Variants in HPN observed in about 807,000 individuals in gnomAD.
HPN encodes the protein serine protease hepsin.
Under a neutral mutation model 55.9 loss-of-function variants are expected in HPN, and 13 were observed. The observed-to-expected ratio is 0.23, with a 90% confidence interval of 0.15 to 0.37. The LOEUF (loss-of-function observed/expected upper bound fraction) is 0.37, where lower values mean the gene tolerates loss of function less well. Ranked by LOEUF, HPN falls within the 10% of genes least tolerant of loss-of-function variation. HPN has a pLI of 1.00. For synonymous variants in HPN, 225 were observed against 240.3 expected (o/e 0.94, Z 0.59); for missense variants, 451 against 575.8 (o/e 0.78, Z 2.22).
intron 2 of HPN, among the ~76,000 whole-genome samples, chr19:35,045,467 G>A (rs1215476779): frequency 6.6e-6 from 1 of 152,138 alleles, no homozygotes; most frequent in Non-Finnish European, 1.5e-5. Flanking sequence ...GGTGTTACGC[G>A]TGGGGGTCTT....
At position 35,047,018 on chromosome 19, in the gene HPN, C is replaced by T. The variant is rs141964871; in HGVS notation, c.17-2272C>T. 3.5e-3 allele frequency among the ~76,000 whole-genome samples: 529 copies of T among 152,160 alleles called. 3 individuals are homozygous for T. Among genetic ancestry groups the T allele is most frequent in the African/African-American group, 0.012 (486 of 41,524 alleles). ...TAATTTTTTGTATTCTTAGTAGAGA[C>T]GGGGTTTCACCGTGTTAGCCAGGAT... is the stretch of plus-strand genomic sequence containing the variant. On this transcript the variant is annotated intron_variant, in intron 2 of 12. Transcript: ENST00000672452.
chr19:35,046,826 T>TTATG (rs2064346580), intron 2 of HPN, among the ~76,000 whole-genome samples: 1 of 151,968 alleles, frequency 6.6e-6, no homozygotes, highest in Non-Finnish European at 1.5e-5. Context: ...ATTTATGTAT[T>TTATG]TATTTATTTA....
intron 9 of HPN, among the ~76,000 whole-genome samples, chr19:35,063,422 A>G (rs1016618206): frequency 5.9e-5 from 9 of 152,148 alleles, no homozygotes; most frequent in African/African-American, 2.2e-4. Flanking sequence ...TTAAAACCAA[A>G]CCCTGTCCTG....
rs747374623 is a variant in HPN at position 35,065,879 on chromosome 19, T to C, written c.1062T>C (p.Gly354=). Residue 354 remains glycine (G), a synonymous_variant, in exon 12 of 13, where the codon GGT becomes GGC. Transcript: ENST00000672452. Reference sequence around the variant, plus strand: ...CTCTCCCCTCCCAGGGCGACAGCGGTGGTCCCTTTGTGTGTGAGGACAGCA... The same window carrying C: ...CTCTCCCCTCCCAGGGCGACAGCGGCGGTCCCTTTGTGTGTGAGGACAGCA... The part of the protein sequence containing the change: ...GGIDACQGDS[G]GPFVCEDSIS... 1.9e-6 allele frequency: 3 copies of C among 1,614,064 alleles called. No homozygotes were observed. Among genetic ancestry groups the C allele is most frequent in the East Asian group, 4.5e-5 (2 of 44,880 alleles).
At chr19:35,047,672 T>C (rs1372528602) in intron 2 of HPN, among the ~76,000 whole-genome samples, 1 of 152,064 alleles carries the variant, frequency 6.6e-6, no homozygotes, top group Non-Finnish European at 1.5e-5. Flanking sequence ...AGTAGGATGG[T>C]AAACAAATAA....
In HPN at chr19:35,066,537, G is replaced by A. The variant is rs1040556626; in HGVS notation, c.*250G>A. 19 of 545,412 alleles carry A rather than the reference G, an allele frequency of 3.5e-5. No individual in the cohort carries two copies. Among genetic ancestry groups the A allele is most frequent in the Non-Finnish European group, 6.2e-5 (19 of 307,744 alleles). 33.8% of individuals were successfully genotyped at this position (545,412 alleles called of 1,614,324 possible). ...CTCCTGTCTAGGTGCCCCTGATGACGGGATGCTCTTTAAATAATAAAGATG... is the reference window on the plus strand; with the variant it reads ...CTCCTGTCTAGGTGCCCCTGATGACAGGATGCTCTTTAAATAATAAAGATG... On this transcript the variant is annotated 3_prime_UTR_variant, in exon 13 of 13. Transcript: ENST00000672452.
intron 2 of HPN, among the ~76,000 whole-genome samples, chr19:35,048,375 T>C (rs904865374): frequency 1.3e-5 from 2 of 152,238 alleles, no homozygotes; most frequent in Non-Finnish European, 2.9e-5. Context: ...AGTTGTGGGA[T>C]TGAAATAAGG....
chr19:35,041,688 T>TCCCCCCCCCCCCCCCCCCCC, upstream of HPN: 1 of 638,114 alleles, frequency 1.6e-6, no homozygotes, highest in Non-Finnish European at 2.0e-6. Flanking sequence ...CCCCGCCCCT[T>TCCCCCCCCCCCCCCCCCCCC]CACCCGCCCC....
upstream of HPN, among the ~76,000 whole-genome samples, chr19:35,041,512 C>T (rs970708476): frequency 3.9e-5 from 6 of 152,230 alleles, no homozygotes; most frequent in African/African-American, 1.4e-4. Flanking sequence ...CCCCAGCCTC[C>T]GGCCAGGCCT....
At chr19:35,041,709 CCCT>C, upstream of HPN, 4 of 1,163,868 alleles carry the variant, frequency 3.4e-6, no homozygotes, top group Non-Finnish European at 4.3e-6. Flanking sequence ...TCGCCCAGCC[CCCT>C]CCTCCTCAGG....
intron 4 of HPN, among the ~76,000 whole-genome samples, chr19:35,057,822 C>A (rs1331310300): frequency 1.3e-5 from 2 of 152,118 alleles, no homozygotes; most frequent in Non-Finnish European, 2.9e-5. Context: ...ATCTTGTACA[C>A]CATCAATGTA....
rs2064606937 is a variant in HPN, at chr19:35,066,161, G to T, written c.1216-88G>T. 4.3e-6 allele frequency: 7 copies of T among 1,613,278 alleles called. No homozygotes were observed. The East Asian group carries it at 1.6e-4, about 36-fold the overall frequency. On this transcript the variant is annotated intron_variant, in intron 12 of 12. Coordinates refer to ENST00000672452, the MANE Select transcript of HPN (RefSeq NM_001384133.1). ...AGAGGGCCCCCCTTGGGAACAGATG[G>T]ACTTTGAAGGGTTCCTGGGGAAGGG... is the stretch of plus-strand genomic sequence containing the variant.
chr19:35,059,859 C>T lies in HPN; in HGVS notation c.291-15C>T. On this transcript the variant is annotated splice_polypyrimidine_tract_variant and intron_variant, in intron 5 of 12. Coordinates refer to ENST00000672452, the MANE Select transcript of HPN (RefSeq NM_001384133.1). Reference sequence around the variant, plus strand: ...GGAGGGGCTGGGGAGCAGGCCTAACCCCTGCCCCGCCCAGGGCACTGACCC... The same window carrying T: ...GGAGGGGCTGGGGAGCAGGCCTAACTCCTGCCCCGCCCAGGGCACTGACCC... 1 of 1,500,802 alleles carries T rather than the reference C, an allele frequency of 6.7e-7. No individual in the cohort carries two copies. Among genetic ancestry groups the T allele is most frequent in the Non-Finnish European group, 8.9e-7 (1 of 1,124,306 alleles). The allele number at this position is 1,500,802 out of a possible 1,614,324, so 93.0% of individuals were successfully genotyped here. A position where few individuals can be genotyped will look rare whatever the true frequency, so the allele number is the denominator to read the frequency against.
chr19:35,048,018 G>A (rs1271866660), intron 2 of HPN, among the ~76,000 whole-genome samples: 4 of 56,872 alleles, frequency 7.0e-5, no homozygotes, highest in Non-Finnish European at 1.5e-4. Context: ...AAGAAAGAGA[G>A]AGAGAGAGAA....
rs753718839 is a variant in HPN at position 35,065,319 on chromosome 19, C to T, written c.881C>T (p.Thr294Met). The T allele has an allele frequency of 2.4e-5, 38 of 1,613,762 alleles. No homozygotes were observed. The highest frequency in any genetic ancestry group is 8.9e-5 in the East Asian group (4 of 44,892). ...ALVDGKICTV[T>M]GWGNTQYYGQ... is the part of the protein sequence containing the mutation. Reference sequence around the variant, plus strand: ...GTGGATGGCAAGATCTGTACCGTGACGGGCTGGGGCAACACGCAGTACTAT... The same window carrying T: ...GTGGATGGCAAGATCTGTACCGTGATGGGCTGGGGCAACACGCAGTACTAT... The change falls in exon 10 of 13, where the codon ACG becomes ATG. Residue 294 changes from threonine (T) to methionine (M), a missense_variant. Transcript: ENST00000672452.
In HPN at chr19:35,065,692, CTG is replaced by C; in HGVS notation, c.1050+13_1050+14del. ...ATTGATGCCTGCCAGGTGAGGGACT[CTG>C]TAGGGGCAGCCCCCTGGTCGCTGCC... On this transcript the variant is annotated intron_variant, in intron 11 of 12. Coordinates refer to ENST00000672452, the MANE Select transcript of HPN (RefSeq NM_001384133.1). 1 of 1,613,950 alleles carries C rather than the reference CTG, an allele frequency of 6.2e-7. No individual in the cohort carries two copies. Among genetic ancestry groups the C allele is most frequent in the Non-Finnish European group, 8.5e-7 (1 of 1,179,972 alleles).
At chr19:35,062,098 G>A (rs2064541778) in intron 9 of HPN, among the ~76,000 whole-genome samples, 1 of 151,832 alleles carries the variant, frequency 6.6e-6, no homozygotes, top group Non-Finnish European at 1.5e-5. Flanking sequence ...GAAAAGAAAG[G>A]AAGGAAGGAA....
chr19:35,047,945 G>A (rs1161798357), intron 2 of HPN, among the ~76,000 whole-genome samples: 1 of 149,074 alleles, frequency 6.7e-6, no homozygotes, highest in Non-Finnish European at 1.5e-5. Context: ...TGCCATGATC[G>A]CGCCGCTGCA....
At chr19:35,065,161 G>A (rs1479484294) in intron 9 of HPN, 89 bp from the exon 10 acceptor site, 7 of 825,492 alleles carry the variant, frequency 8.5e-6, no homozygotes, top group Admixed American at 7.2e-5. Flanking sequence ...AGGGCAGGGT[G>A]TGTTAGGGGC....
Sources: allele counts gnomAD v4.1 joint callset (sites outside exome capture counted in the v4.1 genomes callset), GRCh38; gene constraint gnomAD v4.1.1; transcripts MANE v1.5; gene names NCBI Gene and HGNC (gene_info 2026-07-23, HGNC 2026-07-21).